Variants in EXT1 observed in about 807,000 individuals in gnomAD.
EXT1 encodes the protein exostosin glycosyltransferase 1, also known as exostosin-1.
A neutral mutation model predicts 82.5 loss-of-function variants in EXT1; 20 were observed. The ratio of observed to expected loss-of-function variants is 0.24; its 90% CI spans 0.17 to 0.35. EXT1 has a LOEUF of 0.35. EXT1 is among the 10% of genes least tolerant of loss of function. The pLI, the probability that EXT1 is intolerant of heterozygous loss-of-function variation, is 1.00. For synonymous variants in EXT1, 348 were observed against 350.8 expected (o/e 0.99, Z 0.09); for missense variants, 757 against 936.5 (o/e 0.81, Z 2.50).
Position 118,111,100 on chromosome 8 carries a change from T to C in EXT1, c.-54A>G. 6.5e-7 allele frequency: 1 copy of C among 1,540,856 alleles called. No homozygotes were observed. The highest frequency in any genetic ancestry group is 8.7e-7 in the Non-Finnish European group (1 of 1,149,234). ...AATAAACACAAGAATCACCCAAGTT[T>C]CCCAATCAACACTTTCAGCTCCAGT... On this transcript the variant is annotated 5_prime_UTR_variant, in exon 1 of 11. Coordinates refer to ENST00000378204, the MANE Select transcript of EXT1 (RefSeq NM_000127.3).
Position 117,858,500 on chromosome 8 carries a change from C to T in EXT1, c.963-21299G>A, listed in dbSNP as rs148726311. Among the ~76,000 whole-genome samples the T allele has an allele frequency of 9.8e-3, 1,489 of 151,876 alleles. 32 individuals carry two copies. The highest frequency in any genetic ancestry group is 0.034 in the African/African-American group (1,400 of 41,390). The stretch of plus-strand genomic sequence containing the variant: ...CAGCCTGGCCAGCATGGTGAAACCC[C>T]ATCTCTACTAAAAATACAAAAAAGA... On this transcript the variant is annotated intron_variant, in intron 1 of 10. Transcript: ENST00000378204.
At chr8:117,809,800 A>G (rs1823294043) in intron 8 of EXT1, among the ~76,000 whole-genome samples, 1 of 152,156 alleles carries the variant, frequency 6.6e-6, no homozygotes, top group Admixed American at 6.5e-5. Context: ...CCTTTTCACT[A>G]GTGGTCAATA....
Position 118,033,302 on chromosome 8 carries a change from A to G in EXT1, c.962+76783T>C, listed in dbSNP as rs143391708. ...CATAAATGTTAAAACGGTGTTGGTA[A>G]TAATACCACACAATCTGTACCAAGG... On this transcript the variant is annotated intron_variant, in intron 1 of 10. Coordinates refer to ENST00000378204, the MANE Select transcript of EXT1 (RefSeq NM_000127.3). Among the ~76,000 whole-genome samples, 279 of 152,288 alleles carry G rather than the reference A, an allele frequency of 1.8e-3. 3 individuals are homozygous for G. Among genetic ancestry groups the G allele is most frequent in the African/African-American group, 6.5e-3 (271 of 41,576 alleles).
At chr8:117,863,493 G>A (rs989568887) in intron 1 of EXT1, among the ~76,000 whole-genome samples, 3 of 148,632 alleles carry the variant, frequency 2.0e-5, no homozygotes, top group African/African-American at 5.0e-5. Context: ...CGGCTGATGC[G>A]GGCCAAATAA....
At chr8:117,906,274 G>C (rs1813542650) in intron 1 of EXT1, among the ~76,000 whole-genome samples, 1 of 152,296 alleles carries the variant, frequency 6.6e-6, no homozygotes, top group South Asian at 2.1e-4. Flanking sequence ...TGGAACACAA[G>C]TTCGGAACCC....
intron 1 of EXT1, among the ~76,000 whole-genome samples, chr8:117,970,744 T>C (rs1307604738): frequency 3.9e-5 from 6 of 152,150 alleles, no homozygotes; most frequent in African/African-American, 1.2e-4. Context: ...ACAAACTTCA[T>C]TGAGTGGAAT....
intron 1 of EXT1, among the ~76,000 whole-genome samples, chr8:117,866,583 G>T (rs1300934926): frequency 6.6e-6 from 1 of 152,212 alleles, no homozygotes; most frequent in African/African-American, 2.4e-5. Flanking sequence ...CAGGTGTAAA[G>T]TGTGATGATT....
chr8:117,829,573 T>TC (rs1362695621), intron 4 of EXT1, among the ~76,000 whole-genome samples: 5 of 118,770 alleles, frequency 4.2e-5, no homozygotes, highest in South Asian at 2.7e-4. Flanking sequence ...ATTTTTCTTT[T>TC]TTTTTTTTTT....
At position 117,994,292 on chromosome 8, in the gene EXT1, A is replaced by G. The variant is rs78990229; in HGVS notation, c.962+115793T>C. 2.5e-3 allele frequency among the ~76,000 whole-genome samples: 375 copies of G among 152,310 alleles called. 1 individual carries two copies. The highest frequency in any genetic ancestry group is 8.7e-3 in the African/African-American group (360 of 41,570). On this transcript the variant is annotated intron_variant, in intron 1 of 10. Transcript: ENST00000378204. ...ACATCTCAGGTTTAAAAGTAAAGGC[A>G]GCAGATTTGGAAAATCTTCATTAAA...
chr8:117,833,078 AAC>A (rs1279532259), intron 3 of EXT1, among the ~76,000 whole-genome samples: 1 of 152,234 alleles, frequency 6.6e-6, no homozygotes, highest in East Asian at 1.9e-4. Context: ...ATTGTAACAT[AAC>A]AAAAAAACAT....
intron 1 of EXT1, among the ~76,000 whole-genome samples, chr8:118,087,218 C>T (rs17477224): frequency 1.2e-3 from 187 of 152,316 alleles, no homozygotes; most frequent in African/African-American, 4.1e-3. Flanking sequence ...ACTTCCCACA[C>T]TCTGAATTTT....
chr8:118,007,064 G>A (rs959131437), intron 1 of EXT1, among the ~76,000 whole-genome samples: 1 of 152,192 alleles, frequency 6.6e-6, no homozygotes, highest in Non-Finnish European at 1.5e-5. Context: ...TTGGGAGGCC[G>A]AGACAGGCGG....
chr8:118,001,698 A>G (rs1815669779), intron 1 of EXT1, among the ~76,000 whole-genome samples: 1 of 152,128 alleles, frequency 6.6e-6, no homozygotes, highest in Non-Finnish European at 1.5e-5. Context: ...ATGCTTCGTT[A>G]TTTTTCAACC....
In EXT1 at chr8:118,110,823, T is replaced by C; in HGVS notation, c.224A>G (p.Asp75Gly). The C allele has an allele frequency of 6.2e-7, 1 of 1,612,716 alleles. No individual in the cohort carries two copies. Among genetic ancestry groups the C allele is most frequent in the Non-Finnish European group, 8.5e-7 (1 of 1,178,974 alleles). The change falls in exon 1 of 11, where the codon GAT (aspartate) becomes GGT (glycine). Residue 75 changes from aspartate (D) to glycine (G), a missense_variant. Asp to Gly is a moderately conservative substitution (Grantham distance 94). This residue lies in a region of EXT1 where 175 missense variants were observed against 159.0 expected (regional missense o/e 1.10). Transcript: ENST00000378204. ...CCGGGGGGAAATGTGCACGCTGGAA[T>C]CCTCGTTTTCCAATTGATCCCAAGG... ...FVPWDQLENE[D>G]SSVHISPRQK...
At position 117,919,271 on chromosome 8, in the gene EXT1, G is replaced by A. The variant is rs568174165; in HGVS notation, c.963-82070C>T. 4.0e-5 allele frequency among the ~76,000 whole-genome samples: 6 copies of A among 151,072 alleles called. No individual in the cohort carries two copies. In the East Asian group the frequency reaches 5.9e-4, roughly 15 times the overall value. Reference sequence around the variant, plus strand: ...TGTGATCACATCCCACTGTAGCCTCGAACTCCTGGGCTCAAGTGATCCTCC... The same window carrying A: ...TGTGATCACATCCCACTGTAGCCTCAAACTCCTGGGCTCAAGTGATCCTCC... On this transcript the variant is annotated intron_variant, in intron 1 of 10. Transcript: ENST00000378204.
In EXT1 at chr8:118,076,576, T is replaced by C. The variant is rs181446504; in HGVS notation, c.962+33509A>G. The stretch of plus-strand genomic sequence containing the variant: ...CCAATGGCTGTGTTATTCACCCTCA[T>C]GCCCAGAAGCAATGCAAGTATCTTA... On this transcript the variant is annotated intron_variant, in intron 1 of 10. Transcript: ENST00000378204. 5.4e-4 allele frequency among the ~76,000 whole-genome samples: 83 copies of C among 152,342 alleles called. 1 individual carries two copies. The highest frequency in any genetic ancestry group is 1.9e-3 in the African/African-American group (79 of 41,576).
At chr8:118,015,063 C>G (rs558964387) in intron 1 of EXT1, among the ~76,000 whole-genome samples, 18 of 152,308 alleles carry the variant, frequency 1.2e-4, no homozygotes, top group African/African-American at 4.3e-4. Context: ...TTACATAACT[C>G]TTGAAGTTAC....
intron 1 of EXT1, among the ~76,000 whole-genome samples, chr8:117,900,909 C>T (rs1813434829): frequency 6.6e-6 from 1 of 152,248 alleles, no homozygotes; most frequent in African/African-American, 2.4e-5. Flanking sequence ...GTAATCTTGG[C>T]ACATCTAGGG....
chr8:117,991,225 C>A (rs935948821), intron 1 of EXT1, among the ~76,000 whole-genome samples: 1 of 151,964 alleles, frequency 6.6e-6, no homozygotes, highest in Admixed American at 6.6e-5. Context: ...ATTCTTGTGT[C>A]TCAGCCTCCC....
Sources: gnomAD v4.1 joint callset for allele counts (sites outside exome capture counted in the v4.1 genomes callset) on GRCh38, gnomAD v4.1.1 for gene constraint, gnomAD v4.1.1 regional missense constraint, MANE v1.5 for transcripts, NCBI Gene and HGNC (gene_info 2026-07-23, HGNC 2026-07-21) for gene names.